OTUD7A: variants seen among roughly 807,000 people sequenced by gnomAD.
The protein encoded by OTUD7A is OTU domain-containing protein 7A.
In OTUD7A, 12 loss-of-function variants were observed where a neutral mutation model predicts 65.7. The ratio of observed to expected loss-of-function variants is 0.18; its 90% CI spans 0.12 to 0.30. The LOEUF is 0.30. Among genes scored for constraint, OTUD7A ranks in the 10% least tolerant of loss-of-function variants. The pLI is 1.00. For missense variants in OTUD7A, 1,148 were observed against 1,304.8 expected, an observed-to-expected ratio of 0.88 and a Z score of 1.85; for synonymous variants, 641 against 586.3, an observed-to-expected ratio of 1.09 and a Z score of -1.35.
At chr15:31,713,139 G>T (rs558252084) in intron 1 of OTUD7A, among the ~76,000 whole-genome samples, 14 of 152,226 alleles carry the variant, frequency 9.2e-5, no homozygotes, top group South Asian at 4.2e-4. Context: ...TGAGTCCATG[G>T]GAAAGCCATA....
At chr15:31,680,753 G>A (rs1892694406) in intron 1 of OTUD7A, among the ~76,000 whole-genome samples, 1 of 152,252 alleles carries the variant, frequency 6.6e-6, no homozygotes, top group South Asian at 2.1e-4. Flanking sequence ...GCAGATGCAA[G>A]CAAGAGAAGA....
intron 8 of OTUD7A, among the ~76,000 whole-genome samples, chr15:31,505,321 C>T (rs1413067896): frequency 1.3e-5 from 2 of 152,204 alleles, no homozygotes; most frequent in Non-Finnish European, 2.9e-5. Flanking sequence ...ATGTGACTTA[C>T]TGCTTTCTTG....
chr15:31,845,670 A>T (rs1817265072), intron 1 of OTUD7A, among the ~76,000 whole-genome samples: 1 of 152,124 alleles, frequency 6.6e-6, no homozygotes, highest in African/African-American at 2.4e-5. Flanking sequence ...TGCTCTTCAT[A>T]CTAGGCCCCT....
chr15:31,823,760 C>T (rs1438787159), intron 1 of OTUD7A, among the ~76,000 whole-genome samples: 7 of 152,150 alleles, frequency 4.6e-5, no homozygotes, highest in South Asian at 2.1e-4. Context: ...CACAGGAGGA[C>T]GCCAGAATAT....
At chr15:31,579,913 C>T (rs547151908) in intron 3 of OTUD7A, among the ~76,000 whole-genome samples, 1 of 152,296 alleles carries the variant, frequency 6.6e-6, no homozygotes, top group East Asian at 1.9e-4. Flanking sequence ...CCAACGCATT[C>T]CTAAATAATG....
At chr15:31,664,047 C>G (rs117524268) in intron 1 of OTUD7A, among the ~76,000 whole-genome samples, 1,799 of 152,212 alleles carry the variant, frequency 0.012, 20 homozygotes, top group Non-Finnish European at 0.018. Flanking sequence ...TATAAATATA[C>G]TATAGTTTCT....
chr15:31,738,785 C>T (rs946815291), intron 1 of OTUD7A, among the ~76,000 whole-genome samples: 3 of 152,212 alleles, frequency 2.0e-5, no homozygotes, highest in South Asian at 2.1e-4. Context: ...GATCTGACAG[C>T]GTGGATGCCA....
chr15:31,768,291 T>C (rs1367702601), intron 1 of OTUD7A: 17 of 699,466 alleles, frequency 2.4e-5, no homozygotes, highest in Admixed American at 4.3e-5. Flanking sequence ...GGCACAACCA[T>C]TGGCTCTGCC....
At chr15:31,789,240 G>T (rs1185904996) in intron 1 of OTUD7A, among the ~76,000 whole-genome samples, 1 of 152,154 alleles carries the variant, frequency 6.6e-6, no homozygotes, top group Non-Finnish European at 1.5e-5. Context: ...GAAACCAGGA[G>T]AAACTGCTGG....
chr15:31,626,235 G>C (rs551429653), intron 3 of OTUD7A, among the ~76,000 whole-genome samples: 1 of 152,268 alleles, frequency 6.6e-6, no homozygotes, highest in South Asian at 2.1e-4. Context: ...TAATAGCCAG[G>C]CGGAAACATT....
At chr15:31,810,971 T>G (rs1896399196) in intron 1 of OTUD7A, among the ~76,000 whole-genome samples, 1 of 152,340 alleles carries the variant, frequency 6.6e-6, no homozygotes, top group South Asian at 2.1e-4. Context: ...GCCAAGCCAC[T>G]GCAGCCTGTA....
chr15:31,704,483 C>T (rs1171734872), intron 1 of OTUD7A, among the ~76,000 whole-genome samples: 4 of 145,592 alleles, frequency 2.7e-5, no homozygotes, highest in African/African-American at 1.0e-4. Context: ...CTCAAATATA[C>T]CTATTTGAGT....
chr15:31,594,472 C>T lies in OTUD7A; in HGVS notation c.152-24275G>A, dbSNP rs187659687. Among the ~76,000 whole-genome samples the T allele has an allele frequency of 2.0e-3, 312 of 152,282 alleles. 2 individuals are homozygous for T. Among genetic ancestry groups the T allele is most frequent in the Middle Eastern group, 0.014 (4 of 294 alleles). On this transcript the variant is annotated intron_variant, in intron 3 of 12. Coordinates refer to ENST00000307050, the MANE Select transcript of OTUD7A (RefSeq NM_001382637.1). The stretch of plus-strand genomic sequence containing the variant: ...CCAGGAAGTCCACTCGCTTCCTTCC[C>T]ACAGTGTCTGTGTATGCCAGGGTTA...
intron 3 of OTUD7A, among the ~76,000 whole-genome samples, chr15:31,624,482 T>C (rs1394653910): frequency 6.6e-6 from 1 of 152,160 alleles, no homozygotes; most frequent in East Asian, 1.9e-4. Flanking sequence ...TTCAAAGGGC[T>C]TCTCAGTGGT....
intron 3 of OTUD7A, among the ~76,000 whole-genome samples, chr15:31,571,780 C>A (rs199807654): frequency 6.6e-6 from 1 of 152,166 alleles, no homozygotes. Context: ...TTCAAATACA[C>A]GGACTTATCT....
At position 31,729,501 on chromosome 15, in the gene OTUD7A, C is replaced by T. The variant is rs541016668; in HGVS notation, c.-99-72424G>A. Among the ~76,000 whole-genome samples the T allele has an allele frequency of 1.3e-4, 20 of 152,334 alleles. No individual in the cohort carries two copies. In the South Asian group the frequency reaches 3.9e-3, roughly 30 times the overall value. ...TTTAAAGTAGTAAAGAACATGGCTA[C>T]TGAGTGTGGCCCTTTTTTGGTTTTC... On this transcript the variant is annotated intron_variant, in intron 1 of 12. Coordinates refer to ENST00000307050, the MANE Select transcript of OTUD7A (RefSeq NM_001382637.1).
At chr15:31,501,592 G>T (rs1595560137) in intron 10 of OTUD7A, 98 bp downstream of exon 10, 2 of 1,495,332 alleles carry the variant, frequency 1.3e-6, no homozygotes, top group Non-Finnish European at 9.2e-7. Flanking sequence ...TCTAAGGGGG[G>T]GTCTCCACAA....
At chr15:31,673,743 C>T (rs955176671) in intron 1 of OTUD7A, among the ~76,000 whole-genome samples, 1 of 152,154 alleles carries the variant, frequency 6.6e-6, no homozygotes, top group Non-Finnish European at 1.5e-5. Context: ...GTAAAGGCAC[C>T]TTATTTTCAA....
intron 1 of OTUD7A, among the ~76,000 whole-genome samples, chr15:31,720,391 C>T (rs1893701754): frequency 6.6e-6 from 1 of 150,408 alleles, no homozygotes; most frequent in Non-Finnish European, 1.5e-5. Context: ...CATCATGGCA[C>T]AGTAACTTCA....
Sources: gnomAD v4.1 joint callset for allele counts (sites outside exome capture counted in the v4.1 genomes callset) on GRCh38, gnomAD v4.1.1 for gene constraint, MANE v1.5 for transcripts, NCBI Gene and HGNC (gene_info 2026-07-23, HGNC 2026-07-21) for gene names.